Variants in AATK observed in about 807,000 individuals in gnomAD.
The protein encoded by AATK is serine/threonine-protein kinase LMTK1.
In AATK, 91 loss-of-function variants were observed where a neutral mutation model predicts 114.3. The ratio of observed to expected loss-of-function variants is 0.80; its 90% CI spans 0.67 to 0.95. AATK has a LOEUF of 0.95. AATK is among the 40% of genes least tolerant of loss of function. AATK has a pLI of 0.00. For synonymous variants in AATK, 1,075 were observed against 916.5 expected (o/e 1.17, Z -3.12); for missense variants, 2,176 against 1,965.2 (o/e 1.11, Z -2.03).
chr17:81,160,128 C>A, intron 1 of AATK: 9 of 483,158 alleles, frequency 1.9e-5, no homozygotes, highest in Non-Finnish European at 2.4e-5. Context: ...GGCACGGCCA[C>A]CTCCGCTGGC....
intron 1 of AATK, among the ~76,000 whole-genome samples, chr17:81,154,949 G>A (rs2061343433): frequency 1.3e-5 from 2 of 152,154 alleles, no homozygotes; most frequent in Non-Finnish European, 2.9e-5. Flanking sequence ...TATTTTAAAT[G>A]GTCAGCATTA....
Position 81,121,270 on chromosome 17 carries a change from G to A in AATK, c.2666C>T (p.Ala889Val), listed in dbSNP as rs2060696500. 1 of 1,611,142 alleles carries A rather than the reference G, an allele frequency of 6.2e-7. No individual in the cohort carries two copies. Among genetic ancestry groups the A allele is most frequent in the Non-Finnish European group, 8.5e-7 (1 of 1,179,350 alleles). ...CACCTGCTTCTGCAGAGAGCGGAAG[G>A]CTGGCACCACATCCGGCCTCCTGGC... ...LQARRPDVVPAFRSLQKQVGT... is the reference protein window; with the variant it reads ...LQARRPDVVPVFRSLQKQVGT... Residue 889 changes from alanine to valine, a missense_variant, in exon 11 of 14, where the codon GCC becomes GTC. Transcript: ENST00000326724.
At chr17:81,152,282 A>G (rs2061308824) in intron 1 of AATK, among the ~76,000 whole-genome samples, 1 of 152,140 alleles carries the variant, frequency 6.6e-6, no homozygotes, top group Non-Finnish European at 1.5e-5. Context: ...GTCTCAAAAA[A>G]AATAAAAATA....
intron 1 of AATK, among the ~76,000 whole-genome samples, chr17:81,163,977 C>G (rs560457467): frequency 1.3e-5 from 2 of 152,244 alleles, no homozygotes; most frequent in Admixed American, 1.3e-4. Context: ...GGTGCCCCCC[C>G]ACAGACACAA....
chr17:81,150,258 T>C (rs1173420461), intron 1 of AATK, among the ~76,000 whole-genome samples: 1 of 151,956 alleles, frequency 6.6e-6, no homozygotes, highest in Non-Finnish European at 1.5e-5. Context: ...TTTTGTGTTA[T>C]GTGAATTATA....
intron 1 of AATK, among the ~76,000 whole-genome samples, chr17:81,149,205 C>A (rs1171911228): frequency 6.6e-6 from 1 of 152,138 alleles, no homozygotes. Flanking sequence ...GGACCCTCCT[C>A]CCCTGAGCTG....
intron 1 of AATK, among the ~76,000 whole-genome samples, chr17:81,150,173 A>T (rs2061276711): frequency 6.6e-6 from 1 of 152,094 alleles, no homozygotes; most frequent in African/African-American, 2.4e-5. Context: ...ATGTTCTGGA[A>T]CTAGAAGCAG....
In AATK at chr17:81,118,356, G is replaced by T; in HGVS notation, c.*46C>A. On this transcript the variant is annotated 3_prime_UTR_variant, in exon 14 of 14. Coordinates refer to ENST00000326724, the MANE Select transcript of AATK (RefSeq NM_001080395.3). ...TCACCATCCTCGCTGCTGCCTGGCA[G>T]GGGCTCCGGTGACGCCAGCCTTGAG... 6.4e-7 allele frequency: 1 copy of T among 1,567,458 alleles called. No individual in the cohort carries two copies. The highest frequency in any genetic ancestry group is 8.7e-7 in the Non-Finnish European group (1 of 1,155,418).
chr17:81,163,727 C>T (rs113503966), intron 1 of AATK, among the ~76,000 whole-genome samples: 4 of 152,374 alleles, frequency 2.6e-5, no homozygotes, highest in African/African-American at 4.8e-5. Flanking sequence ...AGTCTGTGCC[C>T]ACAGCCTCCA....
At position 81,120,559 on chromosome 17, in the gene AATK, C is replaced by G; in HGVS notation, c.3377G>C (p.Gly1126Ala). 6.6e-7 allele frequency: 1 copy of G among 1,512,096 alleles called. No homozygotes were observed. The highest frequency in any genetic ancestry group is 8.8e-7 in the Non-Finnish European group (1 of 1,130,542). The allele number at this position is 1,512,096 out of a possible 1,614,324, so 93.7% of individuals were successfully genotyped here. The change falls in exon 11 of 14, where the codon GGG (glycine) becomes GCG (alanine). Residue 1126 changes from glycine to alanine, a missense_variant. By Grantham distance (60) the Gly-to-Ala change is moderately conservative (BLOSUM62 0). Around this residue, in one of 4 missense-constraint regions of AATK, gnomAD observed 1,701 missense variants for 1,394.7 expected, o/e 1.22. Coordinates refer to ENST00000326724, the MANE Select transcript of AATK (RefSeq NM_001080395.3). Reference sequence around the variant, plus strand: ...CCCCATCCGCTTTTGTGGGGCCGGCCCTGACAACAGTCCTGGGGGCCCCTG... The same window carrying G: ...CCCCATCCGCTTTTGTGGGGCCGGCGCTGACAACAGTCCTGGGGGCCCCTG... ...EFQGPPGLLS[G>A]PAPQKRMGGP...
chr17:81,119,698 C>G lies in AATK; in HGVS notation c.3884-118G>C, dbSNP rs958153030. On this transcript the variant is annotated intron_variant, in intron 12 of 13. Coordinates refer to ENST00000326724, the MANE Select transcript of AATK (RefSeq NM_001080395.3). Reference sequence around the variant, plus strand: ...ATCATGTCACGGGCCCAGGCCCCGCCTCCCATGATGTCACGGGCCCAGGCC... The same window carrying G: ...ATCATGTCACGGGCCCAGGCCCCGCGTCCCATGATGTCACGGGCCCAGGCC... 9 of 792,322 alleles carry G rather than the reference C, an allele frequency of 1.1e-5. No homozygotes were observed. In the African/African-American group the frequency reaches 2.0e-4, roughly 18 times the overall value. The allele number at this position is 792,322 out of a possible 1,614,324, so 49.1% of individuals were successfully genotyped here.
intron 1 of AATK, among the ~76,000 whole-genome samples, chr17:81,154,116 A>C (rs898342519): frequency 7.2e-5 from 11 of 152,118 alleles, no homozygotes; most frequent in African/African-American, 2.7e-4. Context: ...TGCCATGTAG[A>C]AGATGAATGT....
At chr17:81,125,077 G>A (rs2060785890) in intron 7 of AATK, 63 bp from the exon 8 acceptor site, 2 of 1,058,094 alleles carry the variant, frequency 1.9e-6, no homozygotes, top group East Asian at 2.6e-5. Flanking sequence ...CCGGGTGGGG[G>A]CAGGGGGAGG....
intron 1 of AATK, among the ~76,000 whole-genome samples, chr17:81,138,923 C>A (rs1276356785): frequency 6.6e-6 from 1 of 151,682 alleles, no homozygotes; most frequent in Non-Finnish European, 1.5e-5. Flanking sequence ...AGACAGATAC[C>A]ACACGTGTAG....
chr17:81,128,615 C>T, intron 3 of AATK, 66 bp from the exon 4 acceptor site: 1 of 1,542,380 alleles, frequency 6.5e-7, no homozygotes, highest in Non-Finnish European at 8.8e-7. Context: ...CCTCACCCGG[C>T]CCCTGGAGGG....
Position 81,121,620 on chromosome 17 carries a change from C to G in AATK, c.2316G>C (p.Gly772=), listed in dbSNP as rs2060700710. Reference sequence around the variant, plus strand: ...TGGGCTCTGCCTGCGGGTGGTCACCCCCACTACTGGCTGTCTCTGTCCAGG... The same window carrying G: ...TGGGCTCTGCCTGCGGGTGGTCACCGCCACTACTGGCTGTCTCTGTCCAGG... The part of the protein sequence containing the change: ...TPSWTETASS[G]GDHPQAEPKL... Residue 772 remains glycine (G), a synonymous_variant, in exon 11 of 14, where the codon GGG becomes GGC. Transcript: ENST00000326724. 6.7e-7 allele frequency: 1 copy of G among 1,494,326 alleles called. No homozygotes were observed. Among genetic ancestry groups the G allele is most frequent in the Non-Finnish European group, 8.9e-7 (1 of 1,123,876 alleles). 92.6% of individuals were successfully genotyped at this position (1,494,326 alleles called of 1,614,324 possible).
chr17:81,138,105 C>T (rs372336681), intron 1 of AATK, among the ~76,000 whole-genome samples: 5 of 149,828 alleles, frequency 3.3e-5, no homozygotes, highest in Non-Finnish European at 7.4e-5. Flanking sequence ...CGGACACATA[C>T]GTGTGCACAC....
chr17:81,140,940 GCCGTGAGCCGTGGGGA>G (rs560187500), intron 1 of AATK, among the ~76,000 whole-genome samples: 86 of 134,528 alleles, frequency 6.4e-4, no homozygotes, highest in African/African-American at 2.3e-3. Flanking sequence ...GGACCATGGG[GCCGTGAGCCGTGGGGA>G]CCGTGAGCCG....
chr17:81,119,159 GGGTC>G, intron 13 of AATK, among the ~76,000 whole-genome samples: 1 of 53,256 alleles, frequency 1.9e-5, no homozygotes, highest in African/African-American at 4.7e-5. Context: ...GGTCAGGTGA[GGGTC>G]AGGTGAGGGT....
Sources: gnomAD v4.1 joint callset for allele counts (sites outside exome capture counted in the v4.1 genomes callset) on GRCh38, gnomAD v4.1.1 for gene constraint, gnomAD v4.1.1 regional missense constraint, MANE v1.5 for transcripts, NCBI Gene and HGNC (gene_info 2026-07-23, HGNC 2026-07-21) for gene names.